Variants in TET2 observed in about 807,000 individuals in gnomAD.
The protein encoded by TET2 is tet methylcytosine dioxygenase 2, also known as methylcytosine dioxygenase TET2.
Under a neutral mutation model 142.9 loss-of-function variants are expected in TET2, and 299 were observed. That is an observed-to-expected ratio of 2.09 (90% CI 1.90 to 2.30). The LOEUF (loss-of-function observed/expected upper bound fraction) is 2.30, where lower values mean the gene tolerates loss of function less well. Ranked by LOEUF, TET2 falls within the 30% of genes most tolerant of loss-of-function variation. The pLI is 0.00. For missense variants in TET2, 2,418 were observed against 2,378.0 expected (o/e 1.02, Z -0.35); for synonymous variants, 819 against 849.0 (o/e 0.96, Z 0.61).
At chr4:105,259,539 C>T in intron 6 of TET2, 80 bp from the exon 7 acceptor site, 2 of 1,354,122 alleles carry the variant, frequency 1.5e-6, no homozygotes, top group Non-Finnish European at 2.0e-6. Context: ...ACTCATTTTG[C>T]ATATAGACAC....
intron 1 of TET2, among the ~76,000 whole-genome samples, chr4:105,150,189 A>G (rs902158727): frequency 6.6e-6 from 1 of 152,214 alleles, no homozygotes; most frequent in East Asian, 1.9e-4. Flanking sequence ...ATGAATTCTT[A>G]TGAAATTACC....
In TET2 at chr4:105,176,005, A is replaced by G. The variant is rs1437922123; in HGVS notation, c.-192-14355A>G. On this transcript the variant is annotated intron_variant, in intron 1 of 10. Coordinates refer to ENST00000380013, the MANE Select transcript of TET2 (RefSeq NM_001127208.3). The stretch of plus-strand genomic sequence containing the variant: ...TTAAGAAATAAAGTCTGTCTTAAAG[A>G]AACAAAAATTTCAGGAATTTGTTGC... Among the ~76,000 whole-genome samples the G allele has an allele frequency of 2.6e-5, 4 of 152,180 alleles. No homozygotes were observed. In the East Asian group the frequency reaches 7.7e-4, roughly 29 times the overall value.
intron 1 of TET2, among the ~76,000 whole-genome samples, chr4:105,166,068 T>A (rs1438571266): frequency 6.6e-6 from 1 of 152,180 alleles, no homozygotes; most frequent in East Asian, 1.9e-4. Context: ...TATAGTTAAT[T>A]CTCTTGTGCT....
intron 2 of TET2, among the ~76,000 whole-genome samples, chr4:105,224,269 A>T (rs1163636965): frequency 6.6e-6 from 1 of 152,154 alleles, no homozygotes; most frequent in Non-Finnish European, 1.5e-5. Flanking sequence ...TTCTTGAGTA[A>T]TCCGAAGAGT....
chr4:105,205,980 CT>C (rs1229127916), intron 2 of TET2, among the ~76,000 whole-genome samples: 1 of 152,154 alleles, frequency 6.6e-6, no homozygotes, highest in Non-Finnish European at 1.5e-5. Context: ...CACTGACAAA[CT>C]TTTTTCTATT....
At chr4:105,241,153 T>C (rs1729275705) in intron 3 of TET2, 186 bp from the exon 4 acceptor site, 7 of 1,251,714 alleles carry the variant, frequency 5.6e-6, no homozygotes, top group African/African-American at 1.5e-5. Flanking sequence ...AGCATGTACA[T>C]ATACTTAATT....
Position 105,276,844 on chromosome 4 carries a change from C to CCCCCG in TET2, c.*329_*330insGCCCC. On this transcript the variant is annotated 3_prime_UTR_variant, in exon 11 of 11. Transcript: ENST00000380013. ...AGATGATATGTAAATGTGATCCCCC[C>CCCCCG]CCCCCGCTTACAACTCTACACATCT... is the stretch of plus-strand genomic sequence containing the variant. The CCCCCG allele has an allele frequency of 4.7e-6, 1 of 213,090 alleles. No homozygotes were observed. Among genetic ancestry groups the CCCCCG allele is most frequent in the African/African-American group, 2.6e-5 (1 of 37,864 alleles). 13.2% of individuals were successfully genotyped at this position (213,090 alleles called of 1,614,324 possible). A position where few individuals can be genotyped will look rare whatever the true frequency, so the allele number is the denominator to read the frequency against.
At chr4:105,184,718 G>T (rs4699164) in intron 1 of TET2, among the ~76,000 whole-genome samples, 16,810 of 142,452 alleles carry the variant, frequency 0.12, 1,070 homozygotes, top group African/African-American at 0.18. Context: ...TACTTGCAGA[G>T]AGGTGTGTGT....
chr4:105,225,834 T>C (rs1014012960), intron 2 of TET2, among the ~76,000 whole-genome samples: 5 of 152,166 alleles, frequency 3.3e-5, no homozygotes, highest in Admixed American at 6.6e-5. Flanking sequence ...GATTCATAAA[T>C]CATCCTCAAA....
intron 8 of TET2, among the ~76,000 whole-genome samples, chr4:105,263,481 G>C (rs1730544192): frequency 6.6e-6 from 1 of 152,186 alleles, no homozygotes; most frequent in Admixed American, 6.6e-5. Context: ...TAGATGTATG[G>C]ATGAGAAAAG....
chr4:105,242,050 T>G (rs1379528629), intron 4 of TET2: 1 of 1,234,026 alleles, frequency 8.1e-7, no homozygotes, highest in African/African-American at 1.6e-5. Flanking sequence ...TCATATAAAT[T>G]TATACAGCTC....
intron 1 of TET2, among the ~76,000 whole-genome samples, chr4:105,152,742 G>A (rs897963779): frequency 1.3e-5 from 2 of 151,622 alleles, no homozygotes; most frequent in Non-Finnish European, 2.9e-5. Context: ...GACTAGGAGC[G>A]TGCCCCACCA....
chr4:105,248,405 A>T (rs1382378740), intron 6 of TET2, among the ~76,000 whole-genome samples: 1 of 152,242 alleles, frequency 6.6e-6, no homozygotes, highest in Non-Finnish European at 1.5e-5. Context: ...AATATTTTAC[A>T]ATTAGAAGTC....
chr4:105,155,672 A>G (rs1452950526), intron 1 of TET2, among the ~76,000 whole-genome samples: 2 of 152,212 alleles, frequency 1.3e-5, no homozygotes, highest in East Asian at 3.8e-4. Context: ...GTTGGATCCC[A>G]TACCTTGGGA....
At chr4:105,155,436 C>A (rs960582055) in intron 1 of TET2, among the ~76,000 whole-genome samples, 5 of 152,200 alleles carry the variant, frequency 3.3e-5, no homozygotes, top group African/African-American at 1.2e-4. Flanking sequence ...CAAGTATTTA[C>A]AAATACCAGC....
rs1210237493 is a variant in TET2 at position 105,277,216 on chromosome 4, CT to C, written c.*701del. The C allele has an allele frequency of 4.4e-6, 1 of 228,634 alleles. No individual in the cohort carries two copies. The allele number at this position is 228,634 out of a possible 1,614,324, so 14.2% of individuals were successfully genotyped here. On this transcript the variant is annotated 3_prime_UTR_variant, in exon 11 of 11. Coordinates refer to ENST00000380013, the MANE Select transcript of TET2 (RefSeq NM_001127208.3). ...CAGTGCCCTTGAATAATAGGGGTAC[CT>C]TTTCATTCAAGTTTTTATCATAATT...
At chr4:105,148,154 A>G (rs1401911409) in intron 1 of TET2, among the ~76,000 whole-genome samples, 1 of 152,186 alleles carries the variant, frequency 6.6e-6, no homozygotes, top group Non-Finnish European at 1.5e-5. Context: ...TAGGGTTTGT[A>G]TGGAGAGTTT....
At chr4:105,208,911 G>A (rs1013556708) in intron 2 of TET2, among the ~76,000 whole-genome samples, 2 of 151,340 alleles carry the variant, frequency 1.3e-5, no homozygotes, top group African/African-American at 4.8e-5. Flanking sequence ...GTGTTTTAGA[G>A]TGAAACAAGG....
At chr4:105,214,024 A>C (rs1283900322) in intron 2 of TET2, among the ~76,000 whole-genome samples, 1 of 151,904 alleles carries the variant, frequency 6.6e-6, no homozygotes, top group Non-Finnish European at 1.5e-5. Context: ...ATGCCTGGCT[A>C]ACTTTTAGTA....
Sources: allele counts gnomAD v4.1 joint callset (sites outside exome capture counted in the v4.1 genomes callset), GRCh38; gene constraint gnomAD v4.1.1; transcripts MANE v1.5; gene names NCBI Gene and HGNC (gene_info 2026-07-23, HGNC 2026-07-21).